The following CACNB1 variants were observed in gnomAD, a reference collection of about 807,000 sequenced individuals.
CACNB1 encodes the protein voltage-dependent L-type calcium channel subunit beta-1.
In CACNB1, 29 loss-of-function variants were observed where a neutral mutation model predicts 71.6. That is an observed-to-expected ratio of 0.40 (90% CI 0.30 to 0.55). CACNB1 has a LOEUF of 0.55. Ranked by LOEUF, CACNB1 falls within the 20% of genes least tolerant of loss-of-function variation. CACNB1 has a pLI of 0.38. For missense variants in CACNB1, 623 were observed against 801.8 expected (o/e 0.78, Z 2.69); for synonymous variants, 300 against 319.6 (o/e 0.94, Z 0.65).
chr17:39,193,533 G>A (rs747134343), intron 2 of CACNB1: 43 of 431,016 alleles, frequency 1.0e-4, no homozygotes, highest in East Asian at 2.9e-4. Context: ...CAAACTGCCC[G>A]TTCCCTTGGG....
chr17:39,191,321 C>A (rs2046075218), intron 3 of CACNB1, among the ~76,000 whole-genome samples, 153 bp downstream of exon 3: 1 of 152,008 alleles, frequency 6.6e-6, no homozygotes, highest in South Asian at 2.1e-4. Context: ...GTATTATAGC[C>A]CACATTGTGC....
At chr17:39,178,313 A>G (rs1310404580) in intron 11 of CACNB1, 7 of 394,928 alleles carry the variant, frequency 1.8e-5, no homozygotes, top group African/African-American at 1.5e-4. Flanking sequence ...TAGGGGCTAT[A>G]TGAAGGGCAG....
At chr17:39,178,170 GAGAGCC>G in intron 11 of CACNB1, 91 bp from the exon 12 acceptor site, 11 of 905,316 alleles carry the variant, frequency 1.2e-5, no homozygotes, top group Non-Finnish European at 2.0e-5. Context: ...GATCAGCATG[GAGAGCC>G]AGTGTCAAGA....
chr17:39,194,131 C>G lies in CACNB1; in HGVS notation c.171+753G>C, dbSNP rs2046153120. On this transcript the variant is annotated intron_variant, in intron 2 of 13. Transcript: ENST00000394303. This position sits in a 1 kb window ranked among gnomAD's most constrained non-coding sequence, Gnocchi z 4.6. Reference sequence around the variant, plus strand: ...TTTCCTTGTCTAATCCCAAGCCCCTCTCGCCTTTTTTGGGTACCAGGCTTT... The same window carrying G: ...TTTCCTTGTCTAATCCCAAGCCCCTGTCGCCTTTTTTGGGTACCAGGCTTT... Among the ~76,000 whole-genome samples, 1 of 152,142 alleles carries G rather than the reference C, an allele frequency of 6.6e-6. No individual in the cohort carries two copies. Among genetic ancestry groups the G allele is most frequent in the Non-Finnish European group, 1.5e-5 (1 of 68,028 alleles).
rs747408791 is a variant in CACNB1 at position 39,184,039 on chromosome 17, G to C, written c.890C>G (p.Ser297Cys). 6.2e-7 allele frequency: 1 copy of C among 1,611,240 alleles called. No individual in the cohort carries two copies. Among genetic ancestry groups the C allele is most frequent in the Non-Finnish European group, 8.5e-7 (1 of 1,177,588 alleles). The change falls in exon 10 of 14, where the codon TCC becomes TGC. Residue 297 changes from serine to cysteine, a missense_variant. By Grantham distance (112) the Ser-to-Cys change is moderately radical. Coordinates refer to ENST00000394303, the MANE Select transcript of CACNB1 (RefSeq NM_000723.5). ...HIIIERSNTR[S>C]SLAEVQSEIE... ...AGCAGGAGTAGGCTCACCCAGGCTG[G>C]AGCGTGTGTTGGAGCGCTCAATGAT...
chr17:39,182,283 C>T (rs1828562505), intron 11 of CACNB1, among the ~76,000 whole-genome samples: 1 of 151,464 alleles, frequency 6.6e-6, no homozygotes, highest in African/African-American at 2.4e-5. Context: ...AGTGAGATCG[C>T]ACCACTGCAC....
At chr17:39,190,340 T>G (rs2046043514) in intron 3 of CACNB1, among the ~76,000 whole-genome samples, 2 of 152,074 alleles carry the variant, frequency 1.3e-5, no homozygotes, top group South Asian at 4.1e-4. Flanking sequence ...AGGTCAAGGC[T>G]CCAGTGAGCT....
chr17:39,179,436 C>G (rs1386804899), intron 11 of CACNB1, among the ~76,000 whole-genome samples: 2 of 150,886 alleles, frequency 1.3e-5, no homozygotes, highest in Non-Finnish European at 2.9e-5. Flanking sequence ...AAAAAATTAG[C>G]CGGGCATGGT....
At chr17:39,195,390 ACTCCCC>A (rs1203170717) in intron 1 of CACNB1, 2 of 163,650 alleles carry the variant, frequency 1.2e-5, no homozygotes, top group African/African-American at 2.4e-5. Flanking sequence ...AGTCACCCCC[ACTCCCC>A]CTCCGCAGGA....
At chr17:39,176,507 G>C (rs1164913395) in intron 13 of CACNB1, among the ~76,000 whole-genome samples, 2 of 152,190 alleles carry the variant, frequency 1.3e-5, no homozygotes, top group Non-Finnish European at 2.9e-5. Flanking sequence ...AAGTGCTTCA[G>C]GGGTCCCCAT....
chr17:39,191,649 C>A, intron 2 of CACNB1, 56 bp from the exon 3 acceptor site: 1 of 1,579,950 alleles, frequency 6.3e-7, no homozygotes, highest in Non-Finnish European at 8.6e-7. Flanking sequence ...GCTCCTGGGC[C>A]TGGGAAGGCA....
intron 3 of CACNB1, among the ~76,000 whole-genome samples, chr17:39,189,903 A>G (rs2046031580): frequency 7.3e-6 from 1 of 136,600 alleles, no homozygotes; most frequent in African/African-American, 2.7e-5. Flanking sequence ...CCAGGTCAGG[A>G]GTTCTGAGAC....
Position 39,182,741 on chromosome 17 carries a change from A to C in CACNB1, c.1050+972T>G, listed in dbSNP as rs923028987. 2.8e-5 allele frequency among the ~76,000 whole-genome samples: 4 copies of C among 141,116 alleles called. No homozygotes were observed. In the South Asian group the frequency reaches 8.5e-4, roughly 30 times the overall value. 92.6% of individuals were successfully genotyped at this position (141,116 alleles called of 152,430 possible). On this transcript the variant is annotated intron_variant, in intron 11 of 13. Coordinates refer to ENST00000394303, the MANE Select transcript of CACNB1 (RefSeq NM_000723.5). ...TAAATAAATAAATAAATAAATAAAT[A>C]AATAAATCAGAGAGTATACTGGGCT...
chr17:39,184,841 G>A lies in CACNB1; in HGVS notation c.672C>T (p.Asp224=). The change falls in exon 8 of 14, where the codon GAC becomes GAT. Residue 224 remains aspartate (D), a synonymous_variant. Coordinates refer to ENST00000394303, the MANE Select transcript of CACNB1 (RefSeq NM_000723.5). The stretch of plus-strand genomic sequence containing the variant: ...TGATGGGCCTCATGGAAGGCACCAC[G>A]TCATAGGGGGGCACATGCTCTGTCT... The part of the protein sequence containing the change: ...QKSTEHVPPY[D]VVPSMRPIIL... 3 of 1,604,140 alleles carry A rather than the reference G, an allele frequency of 1.9e-6. No individual in the cohort carries two copies. Among genetic ancestry groups the A allele is most frequent in the Non-Finnish European group, 8.5e-7 (1 of 1,171,234 alleles).
rs1243984540 is a variant in CACNB1 at position 39,175,055 on chromosome 17, C to T, written c.*138G>A. The T allele has an allele frequency of 1.3e-6, 1 of 757,402 alleles. No individual in the cohort carries two copies. The highest frequency in any genetic ancestry group is 1.8e-5 in the African/African-American group (1 of 56,848). 46.9% of individuals were successfully genotyped at this position (757,402 alleles called of 1,614,324 possible). On this transcript the variant is annotated 3_prime_UTR_variant, in exon 14 of 14. Transcript: ENST00000394303. This position sits in a 1 kb window ranked among gnomAD's most constrained non-coding sequence, Gnocchi z 4.7. ...AGCTGGGATGGTAACACCAAAGAAA[C>T]CCCAAGCTTTGAGCAAAGGCATCTG...
rs2045936761 is a variant in CACNB1 at position 39,186,248 on chromosome 17, G to C, written c.628+248C>G. The stretch of plus-strand genomic sequence containing the variant: ...AGAGGTGAATGGAACAGGGCTGGGA[G>C]AAATGAATGGGGGCAGGGCAGGGGA... On this transcript the variant is annotated intron_variant, in intron 6 of 13. Transcript: ENST00000394303. The surrounding 1 kb of genome is among the most constrained non-coding windows in gnomAD (Gnocchi z 4.1). 1 of 696,504 alleles carries C rather than the reference G, an allele frequency of 1.4e-6. No individual in the cohort carries two copies. Among genetic ancestry groups the C allele is most frequent in the South Asian group, 1.8e-5 (1 of 54,370 alleles). The allele number at this position is 696,504 out of a possible 1,614,324, so 43.1% of individuals were successfully genotyped here.
chr17:39,186,386 G>T lies in CACNB1; in HGVS notation c.628+110C>A. The T allele has an allele frequency of 1.3e-6, 1 of 768,230 alleles. No homozygotes were observed. 47.6% of individuals were successfully genotyped at this position (768,230 alleles called of 1,614,324 possible). A position where few individuals can be genotyped will look rare whatever the true frequency, so the allele number is the denominator to read the frequency against. On this transcript the variant is annotated intron_variant, in intron 6 of 13. Coordinates refer to ENST00000394303, the MANE Select transcript of CACNB1 (RefSeq NM_000723.5). The surrounding 1 kb of genome is among the most constrained non-coding windows in gnomAD (Gnocchi z 4.1). ...GGGGAACCACTGCATGTGCTTGGGG[G>T]ACTCAGGATTGGGGTGTTTCCTACT...
intron 2 of CACNB1, chr17:39,191,880 G>A (rs2046089250): frequency 2.3e-6 from 1 of 429,926 alleles, no homozygotes; most frequent in Non-Finnish European, 4.1e-6. Flanking sequence ...GAACCTGATA[G>A]GGGCACAAGG....
rs753729987 is a variant in CACNB1 at position 39,184,096 on chromosome 17, C to T, written c.833G>A (p.Arg278His). 1.4e-5 allele frequency: 22 copies of T among 1,613,488 alleles called. No homozygotes were observed. Among genetic ancestry groups the T allele is most frequent in the South Asian group, 2.2e-5 (2 of 91,072 alleles). Residue 278 changes from arginine (R) to histidine (H), a missense_variant, in exon 10 of 14, where the codon CGC (arginine) becomes CAC (histidine). Transcript: ENST00000394303. ...RVTADISLAK[R>H]SVLNNPSKHI... is the part of the protein sequence containing the mutation. ...TTTGCTGGGGTTGTTGAGAACTGAG[C>T]GCTTAGCCAGGGAAATATCTGCCGT...
Sources: allele counts gnomAD v4.1 joint callset (sites outside exome capture counted in the v4.1 genomes callset), GRCh38; gene constraint gnomAD v4.1.1; non-coding constraint Gnocchi (gnomAD v3.1); transcripts MANE v1.5; gene names NCBI Gene and HGNC (gene_info 2026-07-23, HGNC 2026-07-21).